Variants in BACH2 observed in about 807,000 individuals in gnomAD.
The protein encoded by BACH2 is BACH transcriptional regulator 2.
BACH2 carries 5 observed loss-of-function variants against 61.8 expected under a neutral mutation model. The ratio of observed to expected loss-of-function variants is 0.08; its 90% CI spans 0.04 to 0.17. The LOEUF (loss-of-function observed/expected upper bound fraction) is 0.17, where lower values mean the gene tolerates loss of function less well. BACH2 is among the 10% of genes least tolerant of loss of function. The pLI, the probability that BACH2 is intolerant of heterozygous loss-of-function variation, is 1.00. For missense variants in BACH2, 824 were observed against 1,091.1 expected (o/e 0.76, Z 3.45); for synonymous variants, 446 against 440.1 (o/e 1.01, Z -0.17).
chr6:90,211,870 C>T (rs963017961), intron 3 of BACH2, among the ~76,000 whole-genome samples: 1 of 152,162 alleles, frequency 6.6e-6, no homozygotes, highest in Non-Finnish European at 1.5e-5. Context: ...TTAGACATAA[C>T]GTACCATGAG....
intron 5 of BACH2, among the ~76,000 whole-genome samples, chr6:90,017,740 A>G (rs1778146686): frequency 6.6e-6 from 1 of 152,196 alleles, no homozygotes; most frequent in Non-Finnish European, 1.5e-5. Context: ...ATATAGTTAT[A>G]ATAACTACTG....
chr6:90,157,643 C>CT (rs1356584837), intron 4 of BACH2, among the ~76,000 whole-genome samples: 1 of 152,124 alleles, frequency 6.6e-6, no homozygotes, highest in African/African-American at 2.4e-5. Context: ...TCTTGTATAT[C>CT]TAACAACAAA....
At chr6:90,222,148 C>G (rs769959192) in intron 3 of BACH2, among the ~76,000 whole-genome samples, 7 of 152,128 alleles carry the variant, frequency 4.6e-5, no homozygotes, top group Non-Finnish European at 8.8e-5. Context: ...TCTACACTTA[C>G]GGCACATCTC....
intron 4 of BACH2, among the ~76,000 whole-genome samples, chr6:90,203,204 G>A (rs1769014830): frequency 6.6e-6 from 1 of 150,818 alleles, no homozygotes; most frequent in South Asian, 2.1e-4. Flanking sequence ...TGAGTCCAGG[G>A]GTTCCAGACC....
intron 4 of BACH2, among the ~76,000 whole-genome samples, chr6:90,182,266 T>C (rs565555931): frequency 6.6e-6 from 1 of 152,298 alleles, no homozygotes; most frequent in African/African-American, 2.4e-5. Flanking sequence ...TGGAAACATA[T>C]TGTCAATCCC....
intron 4 of BACH2, among the ~76,000 whole-genome samples, chr6:90,182,121 T>TCA (rs1768186395): frequency 6.6e-6 from 1 of 152,176 alleles, no homozygotes; most frequent in African/African-American, 2.4e-5. Flanking sequence ...CATGAGGCTT[T>TCA]TGGTTGATGC....
chr6:90,170,868 T>C (rs1325203012), intron 4 of BACH2, among the ~76,000 whole-genome samples: 2 of 152,038 alleles, frequency 1.3e-5, no homozygotes, highest in Non-Finnish European at 2.9e-5. Flanking sequence ...TTGTTAAAAG[T>C]TGAAAATGAC....
At chr6:90,193,699 G>C (rs1317804875) in intron 4 of BACH2, among the ~76,000 whole-genome samples, 1 of 152,208 alleles carries the variant, frequency 6.6e-6, no homozygotes, top group Admixed American at 6.5e-5. Flanking sequence ...GCTGAGAGCT[G>C]AGCAAGAAAG....
intron 4 of BACH2, among the ~76,000 whole-genome samples, chr6:90,132,991 C>A (rs1365994434): frequency 6.6e-6 from 1 of 152,172 alleles, no homozygotes; most frequent in African/African-American, 2.4e-5. Context: ...AACGTGCAGC[C>A]CAGATCTGGA....
intron 5 of BACH2, among the ~76,000 whole-genome samples, chr6:90,035,935 T>C (rs931068331): frequency 6.6e-6 from 1 of 151,778 alleles, no homozygotes; most frequent in African/African-American, 2.4e-5. Flanking sequence ...AGAAGGGGCA[T>C]GATGAGCAGC....
Position 90,210,299 on chromosome 6 carries a change from C to T in BACH2, c.-274-3618G>A, listed in dbSNP as rs1284055100. 4.3e-5 allele frequency among the ~76,000 whole-genome samples: 6 copies of T among 141,062 alleles called. No homozygotes were observed. The Admixed American group carries it at 4.5e-4, about 11-fold the overall frequency. The allele number at this position is 141,062 out of a possible 152,430, so 92.5% of individuals were successfully genotyped here. ...CCAGAAATAAAAAATAAACACAACACACACCCCAAAACAACACACACACAC... is the reference window on the plus strand; with the variant it reads ...CCAGAAATAAAAAATAAACACAACATACACCCCAAAACAACACACACACAC... On this transcript the variant is annotated intron_variant, in intron 3 of 8. Transcript: ENST00000257749.
chr6:90,234,352 C>T (rs1399912682), intron 3 of BACH2, among the ~76,000 whole-genome samples: 1 of 152,220 alleles, frequency 6.6e-6, no homozygotes, highest in East Asian at 1.9e-4. Flanking sequence ...CAGCAAGGAC[C>T]TGTACAGTAG....
intron 6 of BACH2, among the ~76,000 whole-genome samples, chr6:89,969,004 C>T (rs1215353989): frequency 6.7e-6 from 1 of 149,720 alleles, no homozygotes; most frequent in Non-Finnish European, 1.5e-5. Context: ...GAATGAGACT[C>T]TGTCTCGAAA....
At chr6:89,940,638 C>G (rs1232617511) in intron 7 of BACH2, among the ~76,000 whole-genome samples, 8 of 152,218 alleles carry the variant, frequency 5.3e-5, no homozygotes, top group Non-Finnish European at 2.9e-5. Flanking sequence ...CAGCAGATGG[C>G]ACTACAAACC....
At chr6:90,074,945 C>T (rs1781406254) in intron 5 of BACH2, among the ~76,000 whole-genome samples, 1 of 152,080 alleles carries the variant, frequency 6.6e-6, no homozygotes, top group South Asian at 2.1e-4. Context: ...ACAAAGGAAC[C>T]TCTACAGAAT....
intron 1 of BACH2, among the ~76,000 whole-genome samples, chr6:90,287,379 C>CA (rs1554263299): frequency 4.0e-5 from 6 of 151,238 alleles, no homozygotes; most frequent in African/African-American, 7.3e-5. Flanking sequence ...GGATCCGCTG[C>CA]TTTTTTTTTC....
chr6:90,246,276 A>G (rs62408224), intron 3 of BACH2, among the ~76,000 whole-genome samples: 37,870 of 152,158 alleles, frequency 0.25, 5,602 homozygotes, highest in Non-Finnish European at 0.34. Context: ...GTACTTTTAT[A>G]AGTATAATGT....
chr6:89,948,967 G>T (rs2128356360), intron 7 of BACH2, among the ~76,000 whole-genome samples: 1 of 152,310 alleles, frequency 6.6e-6, no homozygotes, highest in South Asian at 2.1e-4. Flanking sequence ...AGCAAGCAAA[G>T]AAAGTGACCA....
intron 8 of BACH2, among the ~76,000 whole-genome samples, chr6:89,934,780 C>T (rs1562305087): frequency 6.6e-6 from 1 of 152,060 alleles, no homozygotes; most frequent in Non-Finnish European, 1.5e-5. Context: ...TTCTCACCAA[C>T]CCTTTGCAAG....
Sources: allele counts gnomAD v4.1 joint callset (sites outside exome capture counted in the v4.1 genomes callset), GRCh38; gene constraint gnomAD v4.1.1; transcripts MANE v1.5; gene names NCBI Gene and HGNC (gene_info 2026-07-23, HGNC 2026-07-21).